Variants in GLTP observed in about 807,000 individuals in gnomAD.
GLTP encodes glycolipid transfer protein.
GLTP carries 22 observed loss-of-function variants against 24.0 expected under a neutral mutation model. The observed-to-expected ratio is 0.92, with a 90% CI of 0.65 to 1.31. The LOEUF (loss-of-function observed/expected upper bound fraction) is 1.31. Ranked by LOEUF, GLTP falls within the 50% of genes most tolerant of loss-of-function variation. The probability of loss-of-function intolerance (pLI) is 0.00; values close to 1 mark genes in which losing one functional copy is unlikely to be tolerated. For synonymous variants in GLTP, 92 were observed against 115.9 expected, an observed-to-expected ratio of 0.79 and a Z score of 1.33; for missense variants, 224 against 276.6, an observed-to-expected ratio of 0.81 and a Z score of 1.35.
intron 1 of GLTP, among the ~76,000 whole-genome samples, chr12:109,870,121 T>C (rs535721932): frequency 6.6e-6 from 1 of 152,126 alleles, no homozygotes; most frequent in Non-Finnish European, 1.5e-5. Context: ...TAAAGTTGTA[T>C]AAATAAAGGC....
At chr12:109,861,389 A>C (rs1868368381) in intron 1 of GLTP, among the ~76,000 whole-genome samples, 1 of 152,206 alleles carries the variant, frequency 6.6e-6, no homozygotes, top group Admixed American at 6.5e-5. Context: ...TGTGTGCCTC[A>C]GTTTCCTCTT....
Position 109,852,391 on chromosome 12 carries a change from A to AT in GLTP, c.*163_*164insA. ...AATAGACCAAAAAAAAAAAAAAAAA[A>AT]GACTTAAAAAACGAGGGCTGTCCCC... On this transcript the variant is annotated 3_prime_UTR_variant, in exon 5 of 5. Transcript: ENST00000318348. 3.8e-6 allele frequency: 2 copies of AT among 523,424 alleles called. No homozygotes were observed. The highest frequency in any genetic ancestry group is 3.4e-6 in the Non-Finnish European group (1 of 294,066). The allele number at this position is 523,424 out of a possible 1,614,324, so 32.4% of individuals were successfully genotyped here. A position where few individuals can be genotyped will look rare whatever the true frequency, so the allele number is the denominator to read the frequency against.
In GLTP at chr12:109,868,357, G is replaced by A. The variant is rs532387537; in HGVS notation, c.104-9616C>T. ...TCAAGAGAGTTGGACAGTACTGGTC[G>A]TTATGCTCTTAGCAAGACCACAGCA... On this transcript the variant is annotated intron_variant, in intron 1 of 4. Coordinates refer to ENST00000318348, the MANE Select transcript of GLTP (RefSeq NM_016433.4). 4.6e-5 allele frequency among the ~76,000 whole-genome samples: 7 copies of A among 152,214 alleles called. No individual in the cohort carries two copies. The South Asian group carries it at 1.0e-3, about 23-fold the overall frequency.
In GLTP at chr12:109,855,672, A is replaced by G. The variant is rs1277690855; in HGVS notation, c.394T>C (p.Tyr132His). 5.6e-6 allele frequency: 9 copies of G among 1,607,118 alleles called. No homozygotes were observed. Among genetic ancestry groups the G allele is most frequent in the Middle Eastern group, 1.7e-4 (1 of 6,026 alleles). Reference protein sequence around the residue: ...NLIRVNATKAYEMALKKYHGW... With the variant: ...NLIRVNATKAHEMALKKYHGW... ...TGGTACTTCTTGAGGGCCATCTCGT[A>G]GGCCTTGGTGGCGTTGACACGGATG... is the stretch of plus-strand genomic sequence containing the variant. Residue 132 changes from tyrosine to histidine, a missense_variant, in exon 4 of 5, where the codon TAC (tyrosine) becomes CAC (histidine). Coordinates refer to ENST00000318348, the MANE Select transcript of GLTP (RefSeq NM_016433.4). The surrounding 1 kb of genome is among the most constrained non-coding windows in gnomAD (Gnocchi z 4.1).
At chr12:109,869,673 G>A (rs2136048021) in intron 1 of GLTP, among the ~76,000 whole-genome samples, 1 of 150,618 alleles carries the variant, frequency 6.6e-6, no homozygotes, top group African/African-American at 2.4e-5. Context: ...GTTTCACCAT[G>A]TTGGCCAGGA....
chr12:109,873,698 A>ATGAG (rs1868799687), intron 1 of GLTP, among the ~76,000 whole-genome samples: 1 of 151,474 alleles, frequency 6.6e-6, no homozygotes, highest in African/African-American at 2.4e-5. Context: ...AATCCCAACT[A>ATGAG]CTTATGAGGC....
intron 1 of GLTP, among the ~76,000 whole-genome samples, chr12:109,872,600 G>A (rs539275825): frequency 5.8e-4 from 88 of 152,278 alleles, no homozygotes; most frequent in African/African-American, 1.9e-3. Context: ...TCAAGAGTGG[G>A]ACCCACCAGC....
chr12:109,862,924 T>C (rs1446208392), intron 1 of GLTP, among the ~76,000 whole-genome samples: 10 of 151,964 alleles, frequency 6.6e-5, no homozygotes, highest in African/African-American at 1.9e-4. Flanking sequence ...TGGTGGTGCA[T>C]GTCTGTAATC....
At chr12:109,858,802 C>T (rs375880158) in intron 1 of GLTP, 61 bp from the exon 2 acceptor site, 15 of 1,106,008 alleles carry the variant, frequency 1.4e-5, no homozygotes, top group South Asian at 1.1e-4. Flanking sequence ...TCAGGGCCAC[C>T]GCAGGCCATG....
At chr12:109,867,770 T>C (rs1036300801) in intron 1 of GLTP, among the ~76,000 whole-genome samples, 2 of 144,132 alleles carry the variant, frequency 1.4e-5, no homozygotes, top group Non-Finnish European at 3.0e-5. Flanking sequence ...TGCAGCTTTT[T>C]CTTTTCTCTT....
At chr12:109,868,072 T>C (rs1479057891) in intron 1 of GLTP, among the ~76,000 whole-genome samples, 2 of 152,220 alleles carry the variant, frequency 1.3e-5, no homozygotes, top group Non-Finnish European at 2.9e-5. Context: ...CCACCGCGCC[T>C]GGCCTCACTG....
intron 1 of GLTP, among the ~76,000 whole-genome samples, chr12:109,863,164 A>T (rs1182542324): frequency 2.6e-5 from 4 of 152,254 alleles, no homozygotes; most frequent in Admixed American, 2.6e-4. Context: ...TAATGGTAAC[A>T]TCTAGATGAT....
chr12:109,864,399 G>T (rs1272346539), intron 1 of GLTP, among the ~76,000 whole-genome samples: 1 of 152,204 alleles, frequency 6.6e-6, no homozygotes, highest in East Asian at 1.9e-4. Context: ...CCACAGTCCT[G>T]GGTTTGAATC....
At chr12:109,863,527 G>A (rs968189895) in intron 1 of GLTP, among the ~76,000 whole-genome samples, 3 of 152,200 alleles carry the variant, frequency 2.0e-5, no homozygotes, top group East Asian at 1.9e-4. Flanking sequence ...TGTGGGAAAC[G>A]TGGAATCTGT....
At chr12:109,871,304 C>G (rs893296824) in intron 1 of GLTP, among the ~76,000 whole-genome samples, 1 of 151,850 alleles carries the variant, frequency 6.6e-6, no homozygotes, top group African/African-American at 2.4e-5. Context: ...CCAGGCTGGT[C>G]TCAAACTCCT....
chr12:109,865,004 C>T (rs895412091), intron 1 of GLTP, among the ~76,000 whole-genome samples: 18 of 152,192 alleles, frequency 1.2e-4, no homozygotes, highest in African/African-American at 4.3e-4. Context: ...TGTGCCACCG[C>T]ACCCAGCCTC....
At chr12:109,860,845 G>A (rs1285333178) in intron 1 of GLTP, among the ~76,000 whole-genome samples, 1 of 152,184 alleles carries the variant, frequency 6.6e-6, no homozygotes, top group African/African-American at 2.4e-5. Context: ...CCCATGGCAG[G>A]CTGTCACAGG....
chr12:109,869,216 CTT>C, intron 1 of GLTP, among the ~76,000 whole-genome samples: 1 of 145,240 alleles, frequency 6.9e-6, no homozygotes, highest in African/African-American at 2.5e-5. Flanking sequence ...AGGAGAATCA[CTT>C]GAACCCAGGA....
intron 1 of GLTP, among the ~76,000 whole-genome samples, chr12:109,876,124 C>T (rs1868872250): frequency 6.6e-6 from 1 of 152,182 alleles, no homozygotes; most frequent in South Asian, 2.1e-4. Context: ...GGACAGATCA[C>T]TTGAGGTCAG....
Sources: allele counts gnomAD v4.1 joint callset (sites outside exome capture counted in the v4.1 genomes callset), GRCh38; gene constraint gnomAD v4.1.1; non-coding constraint Gnocchi (gnomAD v3.1); transcripts MANE v1.5; gene names NCBI Gene and HGNC (gene_info 2026-07-23, HGNC 2026-07-21).